ANGPT1: variants seen among roughly 807,000 people sequenced by gnomAD.
ANGPT1 encodes the protein angiopoietin-1.
A neutral mutation model predicts 62.2 loss-of-function variants in ANGPT1; 17 were observed. The observed-to-expected ratio is 0.27, with a 90% CI of 0.19 to 0.41. The LOEUF (loss-of-function observed/expected upper bound fraction) is 0.41, where lower values mean the gene tolerates loss of function less well. ANGPT1 is among the 10% of genes least tolerant of loss of function. The pLI, the probability that ANGPT1 is intolerant of heterozygous loss-of-function variation, is 1.00. For missense variants in ANGPT1, 478 were observed against 594.9 expected, an observed-to-expected ratio of 0.80 and a Z score of 2.04; for synonymous variants, 199 against 198.9, an observed-to-expected ratio of 1.00 and a Z score of 0.00.
chr8:107,485,174 C>T (rs1221799424), intron 1 of ANGPT1, among the ~76,000 whole-genome samples: 1 of 152,166 alleles, frequency 6.6e-6, no homozygotes, highest in Non-Finnish European at 1.5e-5. Context: ...GAACACATCC[C>T]AACAGTATCT....
intron 1 of ANGPT1, among the ~76,000 whole-genome samples, chr8:107,352,557 G>C (rs1815955944): frequency 6.6e-6 from 1 of 152,068 alleles, no homozygotes; most frequent in African/African-American, 2.4e-5. Context: ...ATCTGTGTGA[G>C]ATTATGACAT....
intron 5 of ANGPT1, among the ~76,000 whole-genome samples, chr8:107,300,078 T>C (rs1814548250): frequency 6.9e-6 from 1 of 144,212 alleles, no homozygotes; most frequent in Non-Finnish European, 1.5e-5. Flanking sequence ...GGTATCTATA[T>C]CTATAGAGAT....
At chr8:107,322,759 G>T in intron 3 of ANGPT1, 2 of 292,220 alleles carry the variant, frequency 6.8e-6, no homozygotes, top group South Asian at 3.2e-5. Flanking sequence ...TCATTTTAAG[G>T]ATATTAGAAA....
intron 4 of ANGPT1, among the ~76,000 whole-genome samples, chr8:107,312,944 T>A (rs189972299): frequency 6.6e-6 from 1 of 152,024 alleles, no homozygotes; most frequent in African/African-American, 2.4e-5. Flanking sequence ...TCTAGAGAGA[T>A]AGGTTGGATA....
intron 1 of ANGPT1, among the ~76,000 whole-genome samples, chr8:107,376,528 G>A (rs1290359350): frequency 6.6e-6 from 1 of 152,064 alleles, no homozygotes; most frequent in Non-Finnish European, 1.5e-5. Context: ...ATGCACACTT[G>A]TTTGTTTGTT....
intron 1 of ANGPT1, among the ~76,000 whole-genome samples, chr8:107,354,993 C>A (rs949633536): frequency 2.0e-5 from 3 of 151,598 alleles, no homozygotes; most frequent in African/African-American, 7.3e-5. Flanking sequence ...TCGCTGCAAC[C>A]TTCGCCTCTC....
chr8:107,278,955 C>T (rs903089888), intron 7 of ANGPT1, among the ~76,000 whole-genome samples: 1 of 152,194 alleles, frequency 6.6e-6, no homozygotes, highest in African/African-American at 2.4e-5. Flanking sequence ...CTCATCATGG[C>T]TCTGCTCCCC....
intron 1 of ANGPT1, among the ~76,000 whole-genome samples, chr8:107,437,718 C>A (rs1174255309): frequency 1.3e-5 from 2 of 151,886 alleles, no homozygotes; most frequent in Non-Finnish European, 2.9e-5. Context: ...AGTTGACAAG[C>A]CACAGAAGTG....
intron 1 of ANGPT1, among the ~76,000 whole-genome samples, chr8:107,354,304 T>C (rs2130182220): frequency 6.6e-6 from 1 of 152,300 alleles, no homozygotes; most frequent in African/African-American, 2.4e-5. Flanking sequence ...TACCTTTTTT[T>C]AAAAGGCACA....
intron 4 of ANGPT1, among the ~76,000 whole-genome samples, chr8:107,308,902 T>C (rs1450725537): frequency 6.6e-6 from 1 of 152,152 alleles, no homozygotes; most frequent in Non-Finnish European, 1.5e-5. Context: ...TCCCTTCCTT[T>C]ACCCAACCAA....
At chr8:107,288,091 A>C (rs2130152648) in intron 6 of ANGPT1, among the ~76,000 whole-genome samples, 1 of 152,294 alleles carries the variant, frequency 6.6e-6, no homozygotes, top group East Asian at 1.9e-4. Context: ...GTATTAGCCC[A>C]AAAATTAATA....
chr8:107,317,339 G>C (rs1815037429), intron 4 of ANGPT1, among the ~76,000 whole-genome samples: 1 of 151,830 alleles, frequency 6.6e-6, no homozygotes, highest in South Asian at 2.1e-4. Context: ...GAACAGAACA[G>C]TTGCTGCAGA....
At chr8:107,427,097 C>T (rs1811060097) in intron 1 of ANGPT1, among the ~76,000 whole-genome samples, 2 of 152,194 alleles carry the variant, frequency 1.3e-5, no homozygotes, top group South Asian at 4.1e-4. Context: ...CATGCACTCC[C>T]TTTTCCTGAT....
At chr8:107,257,101 C>T (rs1167688514) in intron 8 of ANGPT1, among the ~76,000 whole-genome samples, 1 of 152,108 alleles carries the variant, frequency 6.6e-6, no homozygotes, top group African/African-American at 2.4e-5. Flanking sequence ...CTCAGGTGAT[C>T]GAATCACCTC....
chr8:107,471,871 T>C (rs960467560), intron 1 of ANGPT1, among the ~76,000 whole-genome samples: 2 of 152,068 alleles, frequency 1.3e-5, no homozygotes, highest in Non-Finnish European at 2.9e-5. Context: ...AAACATAGGA[T>C]TTGTTTGTGT....
At chr8:107,406,530 T>C (rs947003504) in intron 1 of ANGPT1, among the ~76,000 whole-genome samples, 12 of 152,028 alleles carry the variant, frequency 7.9e-5, no homozygotes, top group African/African-American at 2.9e-4. Context: ...CTTTTGAGGA[T>C]CCCAGAATCA....
chr8:107,452,169 T>A (rs1811795284), intron 1 of ANGPT1, among the ~76,000 whole-genome samples: 1 of 151,296 alleles, frequency 6.6e-6, no homozygotes, highest in Admixed American at 6.6e-5. Flanking sequence ...TATACTATTT[T>A]ATTATATATT....
At chr8:107,296,075 C>T (rs992057048) in intron 5 of ANGPT1, among the ~76,000 whole-genome samples, 2 of 151,974 alleles carry the variant, frequency 1.3e-5, no homozygotes, top group African/African-American at 4.8e-5. Flanking sequence ...CCTATGTCTA[C>T]CTAATTGAAA....
At chr8:107,308,129 C>T (rs4506178) in intron 4 of ANGPT1, among the ~76,000 whole-genome samples, 31,809 of 151,962 alleles carry the variant, frequency 0.21, 3,992 homozygotes, top group East Asian at 0.35. Context: ...TTTAAGACTT[C>T]TCCTAGGCAA....
Sources: gnomAD v4.1 joint callset for allele counts (sites outside exome capture counted in the v4.1 genomes callset) on GRCh38, gnomAD v4.1.1 for gene constraint, MANE v1.5 for transcripts, NCBI Gene and HGNC (gene_info 2026-07-23, HGNC 2026-07-21) for gene names.